PCDHA5: variants seen among roughly 807,000 people sequenced by gnomAD.
PCDHA5 encodes the protein protocadherin alpha-5.
PCDHA5 carries 43 observed loss-of-function variants against 61.6 expected under a neutral mutation model. The observed-to-expected ratio is 0.70, with a 90% CI of 0.55 to 0.90. The LOEUF (loss-of-function observed/expected upper bound fraction) is 0.90, where lower values mean the gene tolerates loss of function less well. PCDHA5 is among the 40% of genes least tolerant of loss of function. The pLI is 0.00. For missense variants in PCDHA5, 1,298 were observed against 1,222.7 expected, an observed-to-expected ratio of 1.06 and a Z score of -0.92; for synonymous variants, 627 against 543.9, an observed-to-expected ratio of 1.15 and a Z score of -2.13.
chr5:140,879,787 T>C (rs1409881516), intron 1 of PCDHA5, among the ~76,000 whole-genome samples: 2 of 152,204 alleles, frequency 1.3e-5, no homozygotes. Flanking sequence ...AATCTGGTTT[T>C]TGTTTCTTCC....
chr5:140,903,491 G>T (rs1253397353), intron 1 of PCDHA5, among the ~76,000 whole-genome samples: 4 of 152,094 alleles, frequency 2.6e-5, no homozygotes, highest in African/African-American at 9.7e-5. Flanking sequence ...GTTCTGAGCA[G>T]GTACCATAGA....
chr5:140,946,611 AATATATATAT>A (rs1554217734), intron 1 of PCDHA5, among the ~76,000 whole-genome samples: 3 of 86,806 alleles, frequency 3.5e-5, no homozygotes, highest in African/African-American at 1.3e-4. Flanking sequence ...GAAAATGTGA[AATATATATAT>A]ATATATATAT....
At chr5:140,837,840 G>C (rs1775283148) in intron 1 of PCDHA5, among the ~76,000 whole-genome samples, 1 of 151,336 alleles carries the variant, frequency 6.6e-6, no homozygotes, top group African/African-American at 2.4e-5. Context: ...ATTGTGCCTG[G>C]CTAATTTTAT....
At chr5:140,895,099 T>C (rs558310890) in intron 1 of PCDHA5, among the ~76,000 whole-genome samples, 1 of 152,326 alleles carries the variant, frequency 6.6e-6, no homozygotes, top group East Asian at 1.9e-4. Flanking sequence ...ATAGGGGTTT[T>C]TGCTACAAGA....
At chr5:140,882,009 A>C in intron 1 of PCDHA5, 1 of 522,488 alleles carries the variant, frequency 1.9e-6, no homozygotes, top group East Asian at 3.2e-5. Context: ...AGGGGCAAAA[A>C]AATACTACAT....
Position 140,946,631 on chromosome 5 carries a change from T to TATATATATATATATATATATATATAC in PCDHA5, c.2353-32317_2353-32316insTATATATATATATATATATATATACA, listed in dbSNP as rs57893927. ...TGTGAAATATATATATATATATATA[T>TATATATATATATATATATATATATAC]ACAATGGAATACTCATCAGCCATTA... On this transcript the variant is annotated intron_variant, in intron 1 of 3. Coordinates refer to ENST00000529859, the MANE Select transcript of PCDHA5 (RefSeq NM_018908.3). 3.1e-3 allele frequency among the ~76,000 whole-genome samples: 414 copies of TATATATATATATATATATATATATAC among 131,704 alleles called. 27 individuals carry two copies. Among genetic ancestry groups the TATATATATATATATATATATATATAC allele is most frequent in the African/African-American group, 0.013 (382 of 28,586 alleles). 86.4% of individuals were successfully genotyped at this position (131,704 alleles called of 152,430 possible). A position where few individuals can be genotyped will look rare whatever the true frequency, so the allele number is the denominator to read the frequency against.
intron 3 of PCDHA5, among the ~76,000 whole-genome samples, chr5:140,993,449 CCTT>C (rs1214858534): frequency 1.4e-5 from 2 of 144,318 alleles, no homozygotes; most frequent in Non-Finnish European, 1.5e-5. Flanking sequence ...TTCCTGTTCT[CCTT>C]CTTTCTTTCT....
At chr5:140,857,110 G>C in intron 1 of PCDHA5, 1 of 1,597,820 alleles carries the variant, frequency 6.3e-7, no homozygotes. Flanking sequence ...TCACTTCTCT[G>C]TCTCTCCCAG....
At chr5:140,955,296 G>A (rs1554221862) in intron 1 of PCDHA5, among the ~76,000 whole-genome samples, 1 of 151,904 alleles carries the variant, frequency 6.6e-6, no homozygotes, top group Admixed American at 6.6e-5. Context: ...GTTTGGCTGT[G>A]TCCCCACCCA....
intron 1 of PCDHA5, among the ~76,000 whole-genome samples, chr5:140,940,595 G>A (rs1233586288): frequency 2.0e-5 from 3 of 152,100 alleles, no homozygotes; most frequent in East Asian, 1.9e-4. Context: ...TTTCAGGCAT[G>A]AGCCGCTGCT....
intron 3 of PCDHA5, 51 bp downstream of exon 3, chr5:140,982,614 G>T (rs1283279622): frequency 6.3e-7 from 1 of 1,596,658 alleles, no homozygotes; most frequent in Non-Finnish European, 8.5e-7. Flanking sequence ...AAAGTGATCA[G>T]ATGACCTACT....
At position 140,835,814 on chromosome 5, in the gene PCDHA5, G is replaced by T. The variant is rs2150245444; in HGVS notation, c.2352+11687G>T. ...CGCCGGGCTGCCACATCTTCACTGTGTCGGCGGGGGACGCGGACGCGCAGA... is the reference window on the plus strand; with the variant it reads ...CGCCGGGCTGCCACATCTTCACTGTTTCGGCGGGGGACGCGGACGCGCAGA... On this transcript the variant is annotated intron_variant, in intron 1 of 3. Coordinates refer to ENST00000529859, the MANE Select transcript of PCDHA5 (RefSeq NM_018908.3). The T allele has an allele frequency of 3.1e-6, 5 of 1,612,862 alleles. 1 individual carries two copies. In the South Asian group the frequency reaches 5.5e-5, roughly 18 times the overall value.
At chr5:140,903,061 C>T (rs2069972197) in intron 1 of PCDHA5, among the ~76,000 whole-genome samples, 1 of 152,052 alleles carries the variant, frequency 6.6e-6, no homozygotes, top group African/African-American at 2.4e-5. Context: ...GACTTCTTTT[C>T]CTTTGGGTAG....
chr5:140,966,190 C>G (rs1251814900), intron 1 of PCDHA5: 1 of 203,228 alleles, frequency 4.9e-6, no homozygotes, highest in Non-Finnish European at 9.7e-6. Context: ...AGCCAGACTT[C>G]TAGGGGCTTG....
chr5:141,000,705 G>A (rs912231910), intron 3 of PCDHA5, among the ~76,000 whole-genome samples: 6 of 151,458 alleles, frequency 4.0e-5, no homozygotes, highest in African/African-American at 1.2e-4. Context: ...TGGGATTACA[G>A]GCATGAGCCA....
intron 1 of PCDHA5, among the ~76,000 whole-genome samples, chr5:140,948,492 A>G (rs915795889): frequency 4.0e-5 from 6 of 151,594 alleles, no homozygotes; most frequent in Non-Finnish European, 8.9e-5. Flanking sequence ...AATTTCTTTC[A>G]TAGACTTTCT....
rs112377727 is a variant in PCDHA5, at chr5:140,875,811, G to T, written c.2352+51684G>T. The T allele has an allele frequency of 3.6e-4, 584 of 1,614,186 alleles. 8 individuals are homozygous for T. Among genetic ancestry groups the T allele is most frequent in the South Asian group, 3.4e-3 (314 of 91,084 alleles). On this transcript the variant is annotated intron_variant, in intron 1 of 3. Coordinates refer to ENST00000529859, the MANE Select transcript of PCDHA5 (RefSeq NM_018908.3). ...ACCTGGAGGTGATCGTGGACAGGCC[G>T]CTGCAGGTTTTCCATGTGGACGTGG...
chr5:140,862,649 C>T, intron 1 of PCDHA5: 1 of 543,104 alleles, frequency 1.8e-6, no homozygotes, highest in East Asian at 5.0e-5. Context: ...ACAGTGTCCG[C>T]GCGGGACCGG....
chr5:140,841,456 G>T (rs2150315881), intron 1 of PCDHA5: 1 of 1,612,922 alleles, frequency 6.2e-7, no homozygotes, highest in South Asian at 1.1e-5. Context: ...GCACCTTCGT[G>T]GGCCGGATCG....
Sources: allele counts gnomAD v4.1 joint callset (sites outside exome capture counted in the v4.1 genomes callset), GRCh38; gene constraint gnomAD v4.1.1; transcripts MANE v1.5; gene names NCBI Gene and HGNC (gene_info 2026-07-23, HGNC 2026-07-21).